ECPAS: variants seen among roughly 807,000 people sequenced by gnomAD.
The protein encoded by ECPAS is Ecm29 proteasome adaptor and scaffold, also known as proteasome adapter and scaffold protein ECM29.
A neutral mutation model predicts 255.1 loss-of-function variants in ECPAS; 70 were observed. That is an observed-to-expected ratio of 0.27 (90% CI 0.23 to 0.33). ECPAS has a LOEUF of 0.33. ECPAS is among the 10% of genes least tolerant of loss of function. ECPAS has a pLI of 1.00. For synonymous variants in ECPAS, 784 were observed against 775.0 expected, an observed-to-expected ratio of 1.01 and a Z score of -0.19; for missense variants, 1,817 against 2,206.4, an observed-to-expected ratio of 0.82 and a Z score of 3.54.
At chr9:111,460,613 A>G (rs2098272037) in intron 2 of ECPAS, among the ~76,000 whole-genome samples, 1 of 152,214 alleles carries the variant, frequency 6.6e-6, no homozygotes, top group South Asian at 2.1e-4. Context: ...ATAGAATAAC[A>G]AAATACACAA....
chr9:111,451,272 T>C (rs866075542), intron 3 of ECPAS, among the ~76,000 whole-genome samples, 153 bp downstream of exon 3: 1 of 152,188 alleles, frequency 6.6e-6, no homozygotes, highest in African/African-American at 2.4e-5. Context: ...TACTTTTAAA[T>C]CATAAAAGCT....
intron 39 of ECPAS, among the ~76,000 whole-genome samples, chr9:111,373,724 G>A (rs975598522): frequency 6.6e-6 from 1 of 152,180 alleles, no homozygotes; most frequent in East Asian, 1.9e-4. Context: ...CTGTGGAAAA[G>A]AGGATACTTT....
intron 2 of ECPAS, among the ~76,000 whole-genome samples, chr9:111,456,113 G>T (rs2098266637): frequency 6.6e-6 from 1 of 152,112 alleles, no homozygotes; most frequent in Non-Finnish European, 1.5e-5. Flanking sequence ...ACAAGTCTTT[G>T]GTGGGTTTTT....
At chr9:111,439,083 C>T (rs771717899) in intron 6 of ECPAS, among the ~76,000 whole-genome samples, 1 of 152,180 alleles carries the variant, frequency 6.6e-6, no homozygotes, top group Non-Finnish European at 1.5e-5. Flanking sequence ...CTACAAGGGG[C>T]TCACCATCTA....
In ECPAS at chr9:111,394,230, T is replaced by C. The variant is rs748381952; in HGVS notation, c.2852A>G (p.His951Arg). Reference protein sequence around the residue: ...LNKHIISPNPHVRQAACIWLL... With the variant: ...LNKHIISPNPRVRQAACIWLL... Reference sequence around the variant, plus strand: ...CCAGATGCAGGCTGCTTGCCTCACGTGTGGGTTGGGGCTGATGATATGTTT... The same window carrying C: ...CCAGATGCAGGCTGCTTGCCTCACGCGTGGGTTGGGGCTGATGATATGTTT... The change falls in exon 26 of 50, where the codon CAC becomes CGC. Residue 951 changes from histidine (H) to arginine (R), a missense_variant. His to Arg is a conservative substitution (Grantham distance 29). This residue lies in a region of ECPAS where 960 missense variants were observed against 1,179.0 expected (regional missense o/e 0.81). Coordinates refer to ENST00000684092, the MANE Select transcript of ECPAS (RefSeq NM_001364929.1). The C allele has an allele frequency of 3.0e-5, 48 of 1,609,030 alleles. No individual in the cohort carries two copies. The highest frequency in any genetic ancestry group is 4.0e-5 in the Non-Finnish European group (47 of 1,177,538).
chr9:111,369,814 G>A (rs1312871472), intron 45 of ECPAS, among the ~76,000 whole-genome samples: 2 of 151,168 alleles, frequency 1.3e-5, no homozygotes, highest in Non-Finnish European at 2.9e-5. Context: ...GTCTTTTTTT[G>A]ACCCAAATCC....
At chr9:111,412,220 A>T in intron 20 of ECPAS, 72 bp from the exon 21 acceptor site, 4 of 1,286,350 alleles carry the variant, frequency 3.1e-6, no homozygotes, top group Non-Finnish European at 4.1e-6. Flanking sequence ...CATCTTTTAA[A>T]ATTAAAAGAA....
chr9:111,397,845 C>T (rs967024533), intron 24 of ECPAS, among the ~76,000 whole-genome samples: 7 of 152,142 alleles, frequency 4.6e-5, no homozygotes, highest in African/African-American at 1.7e-4. Flanking sequence ...CACAGGAGTT[C>T]TTTACACTAT....
At chr9:111,410,947 C>T in intron 22 of ECPAS, 33 bp downstream of exon 22, 2 of 1,558,934 alleles carry the variant, frequency 1.3e-6, no homozygotes, top group African/African-American at 1.4e-5. Flanking sequence ...TCAAAAACTG[C>T]AACACCCAAA....
intron 25 of ECPAS, among the ~76,000 whole-genome samples, chr9:111,395,544 C>T (rs1488130103): frequency 1.3e-5 from 2 of 152,076 alleles, no homozygotes. Context: ...TTGGAGATTC[C>T]TTTGCATGAG....
chr9:111,401,188 A>G (rs2098175449), intron 24 of ECPAS, among the ~76,000 whole-genome samples: 1 of 152,254 alleles, frequency 6.6e-6, no homozygotes, highest in Non-Finnish European at 1.5e-5. Flanking sequence ...TCCTTCAAAT[A>G]TCAGGGGAAC....
intron 2 of ECPAS, among the ~76,000 whole-genome samples, chr9:111,453,780 T>C (rs2098263406): frequency 1.3e-5 from 2 of 151,946 alleles, no homozygotes; most frequent in South Asian, 4.2e-4. Flanking sequence ...AAACCCAAAC[T>C]GGGGGACATT....
In ECPAS at chr9:111,366,247, T is replaced by C. The variant is rs1398205812; in HGVS notation, c.5300A>G (p.Tyr1767Cys). The C allele has an allele frequency of 6.4e-7, 1 of 1,564,770 alleles. No individual in the cohort carries two copies. Among genetic ancestry groups the C allele is most frequent in the Non-Finnish European group, 8.7e-7 (1 of 1,152,026 alleles). The change falls in exon 48 of 50, where the codon TAT becomes TGT. Residue 1767 changes from tyrosine (Y) to cysteine (C), a missense_variant. Physicochemically the swap from Tyr to Cys is radical, Grantham distance 194. Transcript: ENST00000684092. ...ILLETCKSIT[Y>C]SLENKTYSSV... Reference sequence around the variant, plus strand: ...TAGTTTACTACACTCACCTAAAGAATATGTGATTGATTTACAAGTTTCAAG... The same window carrying C: ...TAGTTTACTACACTCACCTAAAGAACATGTGATTGATTTACAAGTTTCAAG...
At chr9:111,416,064 A>C (rs1233652871) in intron 18 of ECPAS, among the ~76,000 whole-genome samples, 1 of 152,234 alleles carries the variant, frequency 6.6e-6, no homozygotes. Flanking sequence ...AATCTCACTG[A>C]GATAAATATA....
At chr9:111,384,654 G>A in intron 33 of ECPAS, 85 bp from the exon 34 acceptor site, 1 of 1,184,656 alleles carries the variant, frequency 8.4e-7, no homozygotes, top group Non-Finnish European at 1.2e-6. Flanking sequence ...ATTGCCTCAG[G>A]CCCTACAGAG....
intron 2 of ECPAS, among the ~76,000 whole-genome samples, chr9:111,472,358 C>G (rs2098289644): frequency 6.6e-6 from 1 of 151,496 alleles, no homozygotes; most frequent in Admixed American, 6.6e-5. Context: ...AAACGATCAC[C>G]CATCGTCTTT....
intron 28 of ECPAS, 52 bp downstream of exon 28, chr9:111,392,716 T>C: frequency 8.3e-7 from 1 of 1,210,506 alleles, no homozygotes; most frequent in Admixed American, 1.9e-5. Flanking sequence ...TCTCACTATG[T>C]GTAGAGACTT....
chr9:111,433,777 G>A (rs1383767973), intron 7 of ECPAS, among the ~76,000 whole-genome samples: 1 of 152,176 alleles, frequency 6.6e-6, no homozygotes, highest in African/African-American at 2.4e-5. Flanking sequence ...CTCCAGATAA[G>A]AGGGTGGTAC....
chr9:111,411,936 C>T (rs2098195178), intron 21 of ECPAS, 78 bp downstream of exon 21: 2 of 1,291,746 alleles, frequency 1.5e-6, no homozygotes, highest in Admixed American at 3.5e-5. Flanking sequence ...CAAATGAGAA[C>T]ATAAAAGTCA....
Sources: allele counts gnomAD v4.1 joint callset (sites outside exome capture counted in the v4.1 genomes callset), GRCh38; gene constraint gnomAD v4.1.1; regional missense constraint gnomAD v4.1.1; transcripts MANE v1.5; gene names NCBI Gene and HGNC (gene_info 2026-07-23, HGNC 2026-07-21).